Variants in TET2 observed in about 807,000 individuals in gnomAD.
The protein encoded by TET2 is tet methylcytosine dioxygenase 2.
In TET2, 299 loss-of-function variants were observed where a neutral mutation model predicts 142.9. The ratio of observed to expected loss-of-function variants is 2.09; its 90% CI spans 1.90 to 2.30. The LOEUF is 2.30. Ranked by LOEUF, TET2 falls within the 30% of genes most tolerant of loss-of-function variation. TET2 has a pLI of 0.00. For synonymous variants in TET2, 819 were observed against 849.0 expected, an observed-to-expected ratio of 0.96 and a Z score of 0.61; for missense variants, 2,418 against 2,378.0, an observed-to-expected ratio of 1.02 and a Z score of -0.35.
rs1553918861 is a variant in TET2, at chr4:105,278,203, T to TATATATATATATA, written c.*1684_*1685insATATATATATATA. 153 of 159,016 alleles carry TATATATATATATA rather than the reference T, an allele frequency of 9.6e-4. 5 individuals are homozygous for TATATATATATATA. The highest frequency in any genetic ancestry group is 3.8e-3 in the African/African-American group (143 of 37,146). 9.9% of individuals were successfully genotyped at this position (159,016 alleles called of 1,614,324 possible). A position where few individuals can be genotyped will look rare whatever the true frequency, so the allele number is the denominator to read the frequency against. ...ATATATATATATATATATATATATA[T>TATATATATATATA]GAGTTTGAAGCAGAATTCACATCAT... is the stretch of plus-strand genomic sequence containing the variant. On this transcript the variant is annotated 3_prime_UTR_variant, in exon 11 of 11. Transcript: ENST00000380013.
intron 6 of TET2, among the ~76,000 whole-genome samples, chr4:105,257,289 AATAAT>A (rs1263455542): frequency 6.6e-6 from 1 of 152,146 alleles, no homozygotes; most frequent in Non-Finnish European, 1.5e-5. Context: ...AAATAAATAA[AATAAT>A]ATAATCTGGT....
rs2110237411 is a variant in TET2 at position 105,237,098 on chromosome 4, G to A, written c.3156G>A (p.Lys1052=). Residue 1052 remains lysine (K), a synonymous_variant, in exon 3 of 11, where the codon AAG becomes AAA. Coordinates refer to ENST00000380013, the MANE Select transcript of TET2 (RefSeq NM_001127208.3). ...DHKALTLKSQ[K]QVKVEMSGPV... ...AGGCTCTTACTCTCAAATCACAGAA[G>A]CAAGTAAAAGTTGAAATGTCAGGGC... is the stretch of plus-strand genomic sequence containing the variant. 1 of 1,614,106 alleles carries A rather than the reference G, an allele frequency of 6.2e-7. No individual in the cohort carries two copies. The highest frequency in any genetic ancestry group is 8.5e-7 in the Non-Finnish European group (1 of 1,180,008).
intron 1 of TET2, chr4:105,147,565 A>T (rs1422478644): frequency 6.0e-5 from 9 of 149,430 alleles, no homozygotes; most frequent in African/African-American, 2.0e-4. Flanking sequence ...ATTGGAGTAC[A>T]CTGAGTGGGT....
intron 1 of TET2, among the ~76,000 whole-genome samples, chr4:105,154,684 GTCTTTAGTTACCTAGCCATTCAGT>G (rs1459324880): frequency 6.6e-6 from 1 of 152,174 alleles, no homozygotes; most frequent in East Asian, 1.9e-4. Flanking sequence ...TTTCTCAGAT[GTCTTTAGTTACCTAGCCATTCAGT>G]TCAGGAGATG....
rs530271890 is a variant in TET2, at chr4:105,249,713, G to A, written c.3803+5935G>A. ...TGATATTGGGCATCTTTTCACGTGT[G>A]TATTGACCATGTATTTTTTTGAGAA... On this transcript the variant is annotated intron_variant, in intron 6 of 10. Transcript: ENST00000380013. 6.0e-4 allele frequency among the ~76,000 whole-genome samples: 92 copies of A among 152,208 alleles called. 1 individual carries two copies. The South Asian group carries it at 0.018, about 30-fold the overall frequency.
rs1417565462 is a variant in TET2 at position 105,234,701 on chromosome 4, C to G, written c.759C>G (p.Asn253Lys). Reference sequence around the variant, plus strand: ...CCACATCTCACATAAATGCCATTAACAGTCAGGCTACTAATGAGTTGTCCT... The same window carrying G: ...CCACATCTCACATAAATGCCATTAAGAGTCAGGCTACTAATGAGTTGTCCT... ...QKTTSHINAI[N>K]SQATNELSCE... The change falls in exon 3 of 11, where the codon AAC becomes AAG. Residue 253 changes from asparagine (N) to lysine (K), a missense_variant. By Grantham distance (94) the Asn-to-Lys change is moderately conservative. Transcript: ENST00000380013. 3 of 1,613,970 alleles carry G rather than the reference C, an allele frequency of 1.9e-6. No individual in the cohort carries two copies. Among genetic ancestry groups the G allele is most frequent in the Non-Finnish European group, 2.5e-6 (3 of 1,180,020 alleles).
chr4:105,214,143 GT>G (rs1727334744), intron 2 of TET2, among the ~76,000 whole-genome samples: 1 of 151,940 alleles, frequency 6.6e-6, no homozygotes, highest in South Asian at 2.1e-4. Flanking sequence ...CCATTGTCAT[GT>G]TACGATATAT....
intron 6 of TET2, among the ~76,000 whole-genome samples, chr4:105,252,238 T>A (rs1475557967): frequency 6.6e-6 from 1 of 152,190 alleles, no homozygotes; most frequent in Admixed American, 6.5e-5. Flanking sequence ...TCTCAATAAT[T>A]TTGCCTATTC....
chr4:105,194,938 C>G (rs113504429), intron 2 of TET2, among the ~76,000 whole-genome samples: 2,095 of 152,146 alleles, frequency 0.014, 31 homozygotes, highest in Middle Eastern at 0.058. Context: ...TATTAAGGCC[C>G]AGAGTGGTAT....
At chr4:105,245,455 C>T (rs746650122) in intron 6 of TET2, among the ~76,000 whole-genome samples, 85 of 152,082 alleles carry the variant, frequency 5.6e-4, no homozygotes, top group Non-Finnish European at 1.2e-3. Context: ...CTCAGCCTCC[C>T]GAATAGCTGG....
intron 2 of TET2, among the ~76,000 whole-genome samples, chr4:105,221,853 A>G: frequency 6.6e-6 from 1 of 151,232 alleles, no homozygotes; most frequent in Non-Finnish European, 1.5e-5. Flanking sequence ...TCCCAATGCT[A>G]TCCCTCCCCC....
At chr4:105,264,697 T>C (rs1730603591) in intron 8 of TET2, among the ~76,000 whole-genome samples, 1 of 152,196 alleles carries the variant, frequency 6.6e-6, no homozygotes, top group African/African-American at 2.4e-5. Context: ...TTATATTGCA[T>C]GGTAGGTACT....
intron 2 of TET2, among the ~76,000 whole-genome samples, chr4:105,207,429 T>G (rs1190268587): frequency 6.6e-6 from 1 of 152,174 alleles, no homozygotes; most frequent in Non-Finnish European, 1.5e-5. Context: ...CAACAGATTT[T>G]AAACAAGAGT....
intron 8 of TET2, among the ~76,000 whole-genome samples, chr4:105,265,276 G>C (rs952106778): frequency 1.3e-5 from 2 of 152,164 alleles, no homozygotes; most frequent in African/African-American, 4.8e-5. Flanking sequence ...TAGTGTAATT[G>C]AGTTTAAATT....
intron 1 of TET2, among the ~76,000 whole-genome samples, chr4:105,184,004 T>C (rs542421971): frequency 1.3e-5 from 2 of 152,252 alleles, no homozygotes; most frequent in Admixed American, 6.5e-5. Flanking sequence ...AAATAAACCA[T>C]ACCCTTAAGA....
At chr4:105,251,993 C>G (rs1157622262) in intron 6 of TET2, among the ~76,000 whole-genome samples, 1 of 152,160 alleles carries the variant, frequency 6.6e-6, no homozygotes, top group African/African-American at 2.4e-5. Context: ...CATCCTTTAC[C>G]AGAATGGTAC....
Position 105,236,026 on chromosome 4 carries a change from T to G in TET2, c.2084T>G (p.Met695Arg), listed in dbSNP as rs1408289708. The change falls in exon 3 of 11, where the codon ATG becomes AGG. Residue 695 changes from methionine (M) to arginine (R), a missense_variant. Transcript: ENST00000380013. ...QRADSQTEKL[M>R]SPVLKQHLNQ... ...GCAGATTCCCAAACTGAAAAACTTA[T>G]GTCCCCAGTGTTGAAACAGCACTTG... The G allele has an allele frequency of 6.2e-7, 1 of 1,614,172 alleles. No homozygotes were observed. The highest frequency in any genetic ancestry group is 8.5e-7 in the Non-Finnish European group (1 of 1,180,026).
At chr4:105,194,007 T>A (rs1725935349) in intron 2 of TET2, among the ~76,000 whole-genome samples, 1 of 152,128 alleles carries the variant, frequency 6.6e-6, no homozygotes, top group African/African-American at 2.4e-5. Flanking sequence ...ATTAGTTCAT[T>A]TTGTGGAAGG....
intron 9 of TET2, among the ~76,000 whole-genome samples, chr4:105,271,441 A>G (rs1730960939): frequency 6.7e-6 from 1 of 149,134 alleles, no homozygotes; most frequent in South Asian, 2.1e-4. Context: ...GATGTTTAGA[A>G]TCAAGAAGAA....
Sources: allele counts gnomAD v4.1 joint callset (sites outside exome capture counted in the v4.1 genomes callset), GRCh38; gene constraint gnomAD v4.1.1; transcripts MANE v1.5; gene names NCBI Gene and HGNC (gene_info 2026-07-23, HGNC 2026-07-21).